CDH23: variants seen among roughly 807,000 people sequenced by gnomAD.
CDH23 encodes the protein cadherin-23.
CDH23 carries 189 observed loss-of-function variants against 317.1 expected under a neutral mutation model. The ratio of observed to expected loss-of-function variants is 0.60; its 90% confidence interval spans 0.53 to 0.67. CDH23 has a LOEUF of 0.67. CDH23 is among the 30% of genes least tolerant of loss of function. CDH23 has a pLI of 0.00. For missense variants in CDH23, 4,401 were observed against 4,592.4 expected (o/e 0.96, Z 1.20); for synonymous variants, 1,839 against 1,876.8 (o/e 0.98, Z 0.52).
At chr10:71,400,659 C>T (rs1847737938) in intron 1 of CDH23, among the ~76,000 whole-genome samples, 1 of 152,070 alleles carries the variant, frequency 6.6e-6, no homozygotes, top group South Asian at 2.1e-4. Flanking sequence ...ATTACCCAGA[C>T]GTGGTGGTGG....
chr10:71,535,794 A>C (rs1855669194), intron 6 of CDH23, among the ~76,000 whole-genome samples: 1 of 152,172 alleles, frequency 6.6e-6, no homozygotes, highest in South Asian at 2.1e-4. Flanking sequence ...TGAGGACATG[A>C]GGGTTTGAGC....
chr10:71,636,247 C>T (rs574868224), intron 11 of CDH23, among the ~76,000 whole-genome samples: 198 of 152,164 alleles, frequency 1.3e-3, no homozygotes, highest in Non-Finnish European at 2.4e-3. Flanking sequence ...GGGCCGGGTG[C>T]GGTAGCTCAC....
chr10:71,706,678 C>T (rs1025822970), intron 25 of CDH23, among the ~76,000 whole-genome samples: 2 of 152,198 alleles, frequency 1.3e-5, no homozygotes, highest in East Asian at 1.9e-4. Flanking sequence ...ACAGGGACAG[C>T]GGGAGGGTCT....
chr10:71,795,224 C>T (rs1032756072), intron 48 of CDH23, among the ~76,000 whole-genome samples: 4 of 152,132 alleles, frequency 2.6e-5, no homozygotes, highest in Middle Eastern at 3.4e-3. Context: ...AGGGAGTAGA[C>T]GCACACATAA....
At position 71,690,539 on chromosome 10, in the gene CDH23, T is replaced by C; in HGVS notation, c.2131T>C (p.Tyr711His). The change falls in exon 20 of 70, where the codon TAC becomes CAC. Residue 711 changes from tyrosine (Y) to histidine (H), a missense_variant. Physicochemically the swap from Tyr to His is moderately conservative, Grantham distance 83 (BLOSUM62 2). Transcript: ENST00000224721. The part of the protein sequence containing the change: ...SREYGQESII[Y>H]SLEGSTQFRI... ...GGAGTACGGCCAGGAGTCCATCATCTACTCCTTGGAAGGCTCCACCCAGTT... is the reference window on the plus strand; with the variant it reads ...GGAGTACGGCCAGGAGTCCATCATCCACTCCTTGGAAGGCTCCACCCAGTT... 2 of 1,610,722 alleles carry C rather than the reference T, an allele frequency of 1.2e-6. No homozygotes were observed. The highest frequency in any genetic ancestry group is 1.7e-6 in the Non-Finnish European group (2 of 1,178,630).
chr10:71,584,789 A>T (rs1858930177), intron 9 of CDH23, among the ~76,000 whole-genome samples: 2 of 152,144 alleles, frequency 1.3e-5, no homozygotes, highest in African/African-American at 4.8e-5. Flanking sequence ...ATTGCTTTGG[A>T]ACTCTGAATC....
chr10:71,528,534 G>A (rs1855174200), intron 6 of CDH23, among the ~76,000 whole-genome samples: 1 of 152,182 alleles, frequency 6.6e-6, no homozygotes, highest in Non-Finnish European at 1.5e-5. Context: ...TTTGTTTTTG[G>A]TTAAAAAGCC....
intron 14 of CDH23, among the ~76,000 whole-genome samples, chr10:71,657,205 G>A (rs746362584): frequency 3.2e-4 from 49 of 152,262 alleles, no homozygotes; most frequent in Non-Finnish European, 2.4e-4. Context: ...AGGCGGGGTT[G>A]GGGTCCTGCC....
chr10:71,499,005 T>C (rs926752441), intron 3 of CDH23, among the ~76,000 whole-genome samples: 5 of 152,208 alleles, frequency 3.3e-5, no homozygotes, highest in African/African-American at 1.2e-4. Context: ...GGAATCAACC[T>C]AAGTGTCCGT....
chr10:71,704,697 G>A (rs939921631), intron 24 of CDH23, among the ~76,000 whole-genome samples: 12 of 152,202 alleles, frequency 7.9e-5, no homozygotes, highest in African/African-American at 2.4e-4. Context: ...CTCACTTGGT[G>A]CATCTGGACG....
intron 18 of CDH23, among the ~76,000 whole-genome samples, chr10:71,685,845 G>A (rs74145293): frequency 2.2e-3 from 329 of 152,322 alleles, no homozygotes; most frequent in African/African-American, 7.4e-3. Context: ...GATTTTGCAC[G>A]TGGCTGGTTT....
intron 6 of CDH23, among the ~76,000 whole-genome samples, chr10:71,513,005 C>T (rs939491987): frequency 3.9e-5 from 6 of 152,172 alleles, no homozygotes; most frequent in Non-Finnish European, 8.8e-5. Context: ...GTCACTTCAC[C>T]TCTCTGTGCC....
Position 71,705,077 on chromosome 10 carries a change from C to G in CDH23, c.2900C>G (p.Ala967Gly). The G allele has an allele frequency of 6.2e-7, 1 of 1,611,778 alleles. No individual in the cohort carries two copies. The highest frequency in any genetic ancestry group is 8.5e-7 in the Non-Finnish European group (1 of 1,179,510). ...RIAEYQLRVV[A>G]SDAGTPTKSS... ...GCGGAGTACCAGCTGCGGGTGGTGG[C>G]CAGTGATGCAGGCACGCCCACCAAG... The change falls in exon 25 of 70, where the codon GCC becomes GGC. Residue 967 changes from alanine to glycine, a missense_variant. Ala to Gly is a moderately conservative substitution (Grantham distance 60). Around this residue, in one of 3 missense-constraint regions of CDH23, gnomAD observed 3,068 missense variants for 3,203.3 expected, o/e 0.96. Coordinates refer to ENST00000224721, the MANE Select transcript of CDH23 (RefSeq NM_022124.6).
At chr10:71,459,331 C>T (rs542247055) in intron 3 of CDH23, among the ~76,000 whole-genome samples, 44 of 152,024 alleles carry the variant, frequency 2.9e-4, no homozygotes, top group African/African-American at 1.0e-3. Flanking sequence ...TGAGCGCAAG[C>T]AGTCCTCCCA....
At position 71,799,629 on chromosome 10, in the gene CDH23, G is replaced by C; in HGVS notation, c.7362G>C (p.Thr2454=). 6.2e-7 allele frequency: 1 copy of C among 1,614,038 alleles called. No homozygotes were observed. The highest frequency in any genetic ancestry group is 8.5e-7 in the Non-Finnish European group (1 of 1,179,894). The part of the protein sequence containing the change: ...GESKFAINPT[T]GDIYVLSSLD... Reference sequence around the variant, plus strand: ...GCAAGTTTGCCATCAACCCCACCACGGTGAGCAGTGATGGAGGGCCTGGAA... The same window carrying C: ...GCAAGTTTGCCATCAACCCCACCACCGTGAGCAGTGATGGAGGGCCTGGAA... The change falls in exon 52 of 70, where the codon ACG becomes ACC. Residue 2454 remains threonine (T), a splice_region_variant and synonymous_variant. Coordinates refer to ENST00000224721, the MANE Select transcript of CDH23 (RefSeq NM_022124.6).
chr10:71,637,077 C>T (rs893310826), intron 11 of CDH23, among the ~76,000 whole-genome samples: 1 of 152,150 alleles, frequency 6.6e-6, no homozygotes, highest in African/African-American at 2.4e-5. Flanking sequence ...GAAGGAGAGG[C>T]CTACCTCCTG....
At chr10:71,722,692 G>A (rs1866615100) in intron 28 of CDH23, among the ~76,000 whole-genome samples, 1 of 152,216 alleles carries the variant, frequency 6.6e-6, no homozygotes, top group Admixed American at 6.5e-5. Flanking sequence ...AGTGCTCAGG[G>A]AGGGTCTTAG....
At chr10:71,420,427 GATGATGATGATGGTCATT>G (rs1848710132) in intron 1 of CDH23, among the ~76,000 whole-genome samples, 2 of 140,336 alleles carry the variant, frequency 1.4e-5, no homozygotes, top group African/African-American at 2.7e-5. Flanking sequence ...TGATGGTGAT[GATGATGATGATGGTCATT>G]ATGATGGTGA....
intron 38 of CDH23, chr10:71,761,449 G>C: frequency 2.1e-6 from 2 of 959,172 alleles, no homozygotes; most frequent in Non-Finnish European, 1.5e-6. Context: ...ACACACCCTT[G>C]ACCACCCCAT....
Sources: gnomAD v4.1 joint callset for allele counts (sites outside exome capture counted in the v4.1 genomes callset) on GRCh38, gnomAD v4.1.1 for gene constraint, gnomAD v4.1.1 regional missense constraint, MANE v1.5 for transcripts, NCBI Gene and HGNC (gene_info 2026-07-23, HGNC 2026-07-21) for gene names.